UACA: variants seen among roughly 807,000 people sequenced by gnomAD.
UACA encodes uveal autoantigen with coiled-coil domains and ankyrin repeats.
Under a neutral mutation model 160.5 loss-of-function variants are expected in UACA, and 112 were observed. The ratio of observed to expected loss-of-function variants is 0.70; its 90% CI spans 0.60 to 0.82. The LOEUF (loss-of-function observed/expected upper bound fraction) is 0.82, where lower values mean the gene tolerates loss of function less well. Among genes scored for constraint, UACA ranks in the 40% least tolerant of loss-of-function variants. UACA has a pLI of 0.00. For missense variants in UACA, 1,574 were observed against 1,614.6 expected, an observed-to-expected ratio of 0.97 and a Z score of 0.43; for synonymous variants, 557 against 568.4, an observed-to-expected ratio of 0.98 and a Z score of 0.29.
chr15:70,723,356 A>C (rs1899047976), intron 1 of UACA, among the ~76,000 whole-genome samples: 2 of 152,200 alleles, frequency 1.3e-5, no homozygotes, highest in South Asian at 4.1e-4. Context: ...GTGGTGGTAC[A>C]CATCGGTAGT....
intron 15 of UACA, among the ~76,000 whole-genome samples, chr15:70,669,948 T>G (rs1045117058): frequency 2.0e-5 from 3 of 152,198 alleles, no homozygotes; most frequent in Admixed American, 2.0e-4. Context: ...ATTTAACTAA[T>G]AAGATTTTTG....
intron 1 of UACA, among the ~76,000 whole-genome samples, chr15:70,701,353 G>A (rs557077856): frequency 9.2e-5 from 14 of 152,282 alleles, no homozygotes; most frequent in Admixed American, 3.9e-4. Flanking sequence ...GGGAGTGGTC[G>A]TGGACATAAG....
intron 1 of UACA, among the ~76,000 whole-genome samples, chr15:70,724,217 TAAAGA>T (rs1397179628): frequency 1.3e-5 from 2 of 152,176 alleles, no homozygotes; most frequent in African/African-American, 4.8e-5. Flanking sequence ...ATACTGCAAT[TAAAGA>T]ATTCTTTCTA....
Position 70,744,249 on chromosome 15 carries a change from A to G in UACA, c.78+19081T>C, listed in dbSNP as rs1482724448. On this transcript the variant is annotated intron_variant, in intron 1 of 18. Transcript: ENST00000322954. ...GGGCGACAGAGCAAGACTCTGTCTC[A>G]AAAAAAAAAAAAAAAAAAAGAAAGA... is the stretch of plus-strand genomic sequence containing the variant. Among the ~76,000 whole-genome samples the G allele has an allele frequency of 2.1e-4, 19 of 92,568 alleles. 1 individual carries two copies. The highest frequency in any genetic ancestry group is 1.3e-3 in the South Asian group (4 of 3,110). 60.7% of individuals were successfully genotyped at this position (92,568 alleles called of 152,430 possible). A position where few individuals can be genotyped will look rare whatever the true frequency, so the allele number is the denominator to read the frequency against.
At chr15:70,713,444 G>A (rs1898744131) in intron 1 of UACA, among the ~76,000 whole-genome samples, 1 of 152,194 alleles carries the variant, frequency 6.6e-6, no homozygotes, top group African/African-American at 2.4e-5. Flanking sequence ...ATAGCCGAGT[G>A]ACAAGGAATT....
the UACA span, among the ~76,000 whole-genome samples, chr15:70,776,287 A>C: frequency 1.3e-5 from 2 of 152,216 alleles, no homozygotes; most frequent in African/African-American, 4.8e-5. Context: ...TATTCATTAA[A>C]TATTTGCTGA....
At chr15:70,702,440 G>T in intron 1 of UACA, 1 of 423,562 alleles carries the variant, frequency 2.4e-6, no homozygotes, top group Non-Finnish European at 3.2e-6. Flanking sequence ...TATTGTAAAT[G>T]CATGCTTTTC....
At chr15:70,754,131 T>C in intron 1 of UACA, 1 of 455,992 alleles carries the variant, frequency 2.2e-6, no homozygotes, top group Non-Finnish European at 4.4e-6. Context: ...ACAATGAACA[T>C]GTATGACTTT....
chr15:70,708,506 G>A (rs1447904112), intron 1 of UACA, among the ~76,000 whole-genome samples: 1 of 150,722 alleles, frequency 6.6e-6, no homozygotes, highest in Non-Finnish European at 1.5e-5. Flanking sequence ...TGTCACCCAG[G>A]CTGGACTGCA....
At chr15:70,723,128 A>C (rs1899041543) in intron 1 of UACA, among the ~76,000 whole-genome samples, 1 of 152,222 alleles carries the variant, frequency 6.6e-6, no homozygotes, top group Non-Finnish European at 1.5e-5. Context: ...TGCTAATAAA[A>C]ACCACTTCAT....
intron 1 of UACA, among the ~76,000 whole-genome samples, chr15:70,742,297 T>C (rs1265979034): frequency 1.3e-5 from 2 of 152,332 alleles, no homozygotes; most frequent in East Asian, 3.9e-4. Flanking sequence ...TTCTACTACC[T>C]CCACACATCA....
the UACA span, among the ~76,000 whole-genome samples, chr15:70,773,366 G>T: frequency 6.6e-6 from 1 of 152,222 alleles, no homozygotes; most frequent in Non-Finnish European, 1.5e-5. Flanking sequence ...TGTTCTGAAG[G>T]AGAGCAGAGA....
chr15:70,747,834 TTTC>T (rs1595922007), intron 1 of UACA, among the ~76,000 whole-genome samples: 1 of 152,140 alleles, frequency 6.6e-6, no homozygotes. Context: ...TTGCATCAAA[TTTC>T]TTTTTATTTA....
the UACA span, among the ~76,000 whole-genome samples, chr15:70,769,162 TC>T: frequency 6.6e-6 from 1 of 151,590 alleles, no homozygotes; most frequent in African/African-American, 2.4e-5. Flanking sequence ...ATCAAGACCA[TC>T]CTGGCTAACA....
chr15:70,679,294 T>C (rs1897398805), intron 10 of UACA, among the ~76,000 whole-genome samples: 2 of 151,746 alleles, frequency 1.3e-5, no homozygotes, highest in African/African-American at 4.8e-5. Context: ...TCCCAGCTAC[T>C]AGAAGGGCTG....
chr15:70,721,243 G>T (rs181811128), intron 1 of UACA, among the ~76,000 whole-genome samples: 421 of 152,350 alleles, frequency 2.8e-3, no homozygotes, highest in South Asian at 6.4e-3. Flanking sequence ...TCTGTTTCTA[G>T]AATGGCTATG....
chr15:70,701,842 A>C, intron 1 of UACA: 1 of 1,577,112 alleles, frequency 6.3e-7, no homozygotes, highest in Non-Finnish European at 8.6e-7. Flanking sequence ...TCTAACCAAG[A>C]ATCTTTTGTT....
At chr15:70,768,672 C>T in the UACA span, among the ~76,000 whole-genome samples, 1 of 152,186 alleles carries the variant, frequency 6.6e-6, no homozygotes, top group Non-Finnish European at 1.5e-5. Context: ...GGATCAGTAA[C>T]CATCTGACTC....
At chr15:70,773,847 C>T in the UACA span, among the ~76,000 whole-genome samples, 1 of 152,168 alleles carries the variant, frequency 6.6e-6, no homozygotes, top group Non-Finnish European at 1.5e-5. Flanking sequence ...ATGAAATACC[C>T]AATGTGATTT....
Sources: gnomAD v4.1 joint callset for allele counts (sites outside exome capture counted in the v4.1 genomes callset) on GRCh38, gnomAD v4.1.1 for gene constraint, MANE v1.5 for transcripts, NCBI Gene and HGNC (gene_info 2026-07-23, HGNC 2026-07-21) for gene names.